The following TTC39C variants were observed in gnomAD, a reference collection of about 807,000 sequenced individuals.
TTC39C encodes the protein tetratricopeptide repeat domain 39C.
In TTC39C, 33 loss-of-function variants were observed where a neutral mutation model predicts 76.3. The ratio of observed to expected loss-of-function variants is 0.43; its 90% confidence interval spans 0.33 to 0.58. The LOEUF (loss-of-function observed/expected upper bound fraction) is 0.58, where lower values mean the gene tolerates loss of function less well. TTC39C is among the 20% of genes least tolerant of loss of function. The pLI, the probability that TTC39C is intolerant of heterozygous loss-of-function variation, is 0.04. For missense variants in TTC39C, 595 were observed against 701.4 expected (o/e 0.85, Z 1.71); for synonymous variants, 254 against 260.6 (o/e 0.97, Z 0.24).
chr18:24,012,739 G>T (rs932537604), upstream of TTC39C, among the ~76,000 whole-genome samples: 5 of 152,032 alleles, frequency 3.3e-5, no homozygotes, highest in Non-Finnish European at 5.9e-5. Context: ...TGTTGTCAGG[G>T]TGACCTCGGG....
chr18:24,130,267 T>A, intron 11 of TTC39C, 46 bp from the exon 12 acceptor site: 1 of 1,080,892 alleles, frequency 9.3e-7, no homozygotes, highest in South Asian at 1.4e-5. Flanking sequence ...AGCCTTATGC[T>A]AAGTAGGAAA....
intron 4 of TTC39C, among the ~76,000 whole-genome samples, chr18:24,072,332 C>T (rs1158605758): frequency 6.6e-6 from 1 of 150,722 alleles, no homozygotes; most frequent in Non-Finnish European, 1.5e-5. Flanking sequence ...CTCACTCTGT[C>T]ATGCAGGCTG....
chr18:24,037,013 C>T (rs1288205814), intron 1 of TTC39C, among the ~76,000 whole-genome samples: 2 of 152,108 alleles, frequency 1.3e-5, no homozygotes, highest in African/African-American at 4.8e-5. Context: ...AATTGGGATG[C>T]TTTTTATTTC....
intron 7 of TTC39C, chr18:24,114,965 T>G (rs1056796358): frequency 9.6e-6 from 2 of 208,566 alleles, no homozygotes; most frequent in Non-Finnish European, 1.9e-5. Context: ...TAATGTTTAC[T>G]TGAGAAGAAA....
At chr18:24,122,028 T>A (rs1228789325) in intron 8 of TTC39C, among the ~76,000 whole-genome samples, 2 of 152,184 alleles carry the variant, frequency 1.3e-5, no homozygotes, top group Admixed American at 1.3e-4. Flanking sequence ...CTCATCACTC[T>A]TAATCCCAGT....
intron 8 of TTC39C, among the ~76,000 whole-genome samples, chr18:24,118,636 T>C (rs1351217656): frequency 6.7e-6 from 1 of 149,850 alleles, no homozygotes; most frequent in Admixed American, 6.6e-5. Flanking sequence ...AATTGAACAG[T>C]CTTTTTTCAG....
intron 1 of TTC39C, among the ~76,000 whole-genome samples, chr18:24,045,894 T>A (rs12606609): frequency 0.017 from 686 of 40,536 alleles, 16 homozygotes; most frequent in East Asian, 0.067. Context: ...TCTGTGAAAA[T>A]ATATATATAT....
At chr18:24,031,111 T>C (rs563581414) in intron 1 of TTC39C, among the ~76,000 whole-genome samples, 17 of 148,226 alleles carry the variant, frequency 1.1e-4, no homozygotes, top group Admixed American at 9.5e-4. Context: ...CACAACTGGC[T>C]ACCTTTTTTA....
chr18:24,109,640 G>A (rs1364646443), intron 6 of TTC39C, among the ~76,000 whole-genome samples: 2 of 152,196 alleles, frequency 1.3e-5, no homozygotes, highest in Non-Finnish European at 2.9e-5. Flanking sequence ...GGTTCTGCAA[G>A]TCTGGCATTA....
intron 10 of TTC39C, chr18:24,125,783 T>G: frequency 2.1e-6 from 1 of 466,774 alleles, no homozygotes; most frequent in African/African-American, 1.9e-5. Context: ...CATGTGCTGC[T>G]TTTGTTATAA....
intron 4 of TTC39C, among the ~76,000 whole-genome samples, chr18:24,071,118 C>T (rs934373804): frequency 1.3e-5 from 2 of 151,894 alleles, no homozygotes; most frequent in Non-Finnish European, 2.9e-5. Flanking sequence ...TTAGTAGAGG[C>T]GGGGTTTCAC....
intron 1 of TTC39C, among the ~76,000 whole-genome samples, chr18:24,043,303 AG>A (rs1275467482): frequency 4.6e-5 from 7 of 152,288 alleles, no homozygotes; most frequent in African/African-American, 1.7e-4. Flanking sequence ...TCAAGGCTGC[AG>A]TGAGCCATGA....
At position 24,130,347 on chromosome 18, in the gene TTC39C, G is replaced by T. The variant is rs145032259; in HGVS notation, c.1553G>T (p.Arg518Leu). The change falls in exon 12 of 14, where the codon CGT becomes CTT. Residue 518 changes from arginine to leucine, a missense_variant. Coordinates refer to ENST00000317571, the MANE Select transcript of TTC39C (RefSeq NM_001135993.2). Reference protein sequence around the residue: ...FQRAVKDELCRQNNLYVQPYA... With the variant: ...FQRAVKDELCLQNNLYVQPYA... ...CGAGCTGTTAAAGATGAATTGTGTC[G>T]TCAGAATAACTTATATGTTCAGCCG... 6.2e-5 allele frequency: 99 copies of T among 1,588,314 alleles called. No individual in the cohort carries two copies. Among genetic ancestry groups the T allele is most frequent in the Non-Finnish European group, 7.9e-5 (92 of 1,169,284 alleles).
chr18:24,123,715 A>G, intron 8 of TTC39C, 119 bp from the exon 9 acceptor site: 1 of 681,064 alleles, frequency 1.5e-6, no homozygotes, highest in East Asian at 2.9e-5. Context: ...CCCATTGTGG[A>G]ATAGTCTTTA....
At chr18:24,130,904 C>A (rs978465727) in intron 12 of TTC39C, among the ~76,000 whole-genome samples, 1 of 151,084 alleles carries the variant, frequency 6.6e-6, no homozygotes, top group African/African-American at 2.4e-5. Flanking sequence ...TAAAATATGG[C>A]CAGGCTCAGT....
Position 24,133,768 on chromosome 18 carries a change from C to T in TTC39C, c.*1194C>T, listed in dbSNP as rs2085163877. Reference sequence around the variant, plus strand: ...GTGGTTTTGAAGAATCTAAATACCTCAGTCACTTTTAAGAATCTCTGCCAT... The same window carrying T: ...GTGGTTTTGAAGAATCTAAATACCTTAGTCACTTTTAAGAATCTCTGCCAT... On this transcript the variant is annotated 3_prime_UTR_variant, in exon 14 of 14. Transcript: ENST00000317571. 6.6e-6 allele frequency: 1 copy of T among 152,164 alleles called. No homozygotes were observed. The highest frequency in any genetic ancestry group is 2.4e-5 in the African/African-American group (1 of 41,430). 9.4% of individuals were successfully genotyped at this position (152,164 alleles called of 1,614,324 possible). A position where few individuals can be genotyped will look rare whatever the true frequency, so the allele number is the denominator to read the frequency against.
At chr18:24,109,592 T>C (rs2084787361) in intron 6 of TTC39C, among the ~76,000 whole-genome samples, 1 of 152,340 alleles carries the variant, frequency 6.6e-6, no homozygotes, top group African/African-American at 2.4e-5. Flanking sequence ...GTTATTTATA[T>C]AGTTCAGAGC....
chr18:24,032,254 G>T (rs2083680282), intron 1 of TTC39C, among the ~76,000 whole-genome samples: 1 of 152,166 alleles, frequency 6.6e-6, no homozygotes, highest in Admixed American at 6.5e-5. Flanking sequence ...CAGGTTTATG[G>T]TAATTTATTA....
At chr18:24,043,099 A>C (rs1352037467) in intron 1 of TTC39C, among the ~76,000 whole-genome samples, 1 of 152,258 alleles carries the variant, frequency 6.6e-6, no homozygotes, top group East Asian at 1.9e-4. Context: ...TGAAAGATAC[A>C]CATTAATGAA....
Sources: gnomAD v4.1 joint callset for allele counts (sites outside exome capture counted in the v4.1 genomes callset) on GRCh38, gnomAD v4.1.1 for gene constraint, MANE v1.5 for transcripts, NCBI Gene and HGNC (gene_info 2026-07-23, HGNC 2026-07-21) for gene names.